Variants in GNA14 observed in about 807,000 individuals in gnomAD.
GNA14 encodes the protein guanine nucleotide-binding protein subunit alpha-14.
GNA14 carries 50 observed loss-of-function variants against 42.0 expected under a neutral mutation model. The observed-to-expected ratio is 1.19, with a 90% CI of 0.95 to 1.51. The LOEUF (loss-of-function observed/expected upper bound fraction) is 1.51, where lower values mean the gene tolerates loss of function less well. Ranked by LOEUF, GNA14 falls within the 40% of genes most tolerant of loss-of-function variation. The pLI is 0.00. For missense variants in GNA14, 473 were observed against 446.2 expected, an observed-to-expected ratio of 1.06 and a Z score of -0.54; for synonymous variants, 173 against 163.1, an observed-to-expected ratio of 1.06 and a Z score of -0.46.
chr9:77,644,835 T>C (rs1824329589), intron 1 of GNA14, among the ~76,000 whole-genome samples: 1 of 152,248 alleles, frequency 6.6e-6, no homozygotes, highest in Non-Finnish European at 1.5e-5. Context: ...CATTTTCCCT[T>C]ATTTAATAGC....
At chr9:77,647,485 C>G (rs1824375842) in intron 1 of GNA14, among the ~76,000 whole-genome samples, 185 bp downstream of exon 1, 1 of 152,158 alleles carries the variant, frequency 6.6e-6, no homozygotes. Flanking sequence ...GTCGCCCAGC[C>G]AGAGATGGAA....
At chr9:77,574,759 C>T (rs1329175240) in intron 1 of GNA14, among the ~76,000 whole-genome samples, 1 of 152,316 alleles carries the variant, frequency 6.6e-6, no homozygotes, top group East Asian at 1.9e-4. Flanking sequence ...GGCAGGCAAC[C>T]TTCCTCCATG....
intron 2 of GNA14, among the ~76,000 whole-genome samples, chr9:77,473,993 T>A (rs1217279447): frequency 6.6e-6 from 1 of 152,156 alleles, no homozygotes; most frequent in Non-Finnish European, 1.5e-5. Context: ...TCATAAAATA[T>A]ACAAAAATTA....
At chr9:77,628,869 A>G (rs912334337) in intron 1 of GNA14, among the ~76,000 whole-genome samples, 4 of 152,204 alleles carry the variant, frequency 2.6e-5, no homozygotes, top group Admixed American at 2.6e-4. Flanking sequence ...AATGGCAACA[A>G]AAGCCAAAAT....
chr9:77,627,624 C>T (rs1297466144), intron 1 of GNA14, among the ~76,000 whole-genome samples: 1 of 152,172 alleles, frequency 6.6e-6, no homozygotes, highest in East Asian at 1.9e-4. Context: ...ATCACGTAAA[C>T]AGAACCAACG....
At chr9:77,613,307 G>C (rs989889473) in intron 1 of GNA14, among the ~76,000 whole-genome samples, 2 of 152,186 alleles carry the variant, frequency 1.3e-5, no homozygotes, top group African/African-American at 4.8e-5. Flanking sequence ...CACTAAATTT[G>C]TGATCACACT....
intron 1 of GNA14, among the ~76,000 whole-genome samples, chr9:77,606,534 A>G (rs971366144): frequency 2.0e-5 from 3 of 152,238 alleles, no homozygotes; most frequent in African/African-American, 7.2e-5. Context: ...AAAGGAATAT[A>G]AAAACTGAAA....
intron 2 of GNA14, among the ~76,000 whole-genome samples, chr9:77,521,767 A>G (rs1837359391): frequency 6.6e-6 from 1 of 152,240 alleles, no homozygotes; most frequent in African/African-American, 2.4e-5. Context: ...ATATGTATTA[A>G]TGATTAGTAA....
chr9:77,493,662 T>C (rs907992394), intron 2 of GNA14, among the ~76,000 whole-genome samples: 1 of 152,220 alleles, frequency 6.6e-6, no homozygotes, highest in African/African-American at 2.4e-5. Flanking sequence ...TGATTTCTTA[T>C]TCTGGTTACT....
At chr9:77,458,878 C>T (rs1266428801) in intron 2 of GNA14, among the ~76,000 whole-genome samples, 1 of 147,340 alleles carries the variant, frequency 6.8e-6, no homozygotes, top group Non-Finnish European at 1.5e-5. Flanking sequence ...CTCTGCAGAA[C>T]CTAAGCTCCT....
chr9:77,481,070 T>A (rs1175863625), intron 2 of GNA14, among the ~76,000 whole-genome samples: 1 of 151,970 alleles, frequency 6.6e-6, no homozygotes, highest in East Asian at 1.9e-4. Flanking sequence ...CTGATTTTAG[T>A]TATTTCTTGC....
At chr9:77,647,049 G>A (rs943949395) in intron 1 of GNA14, among the ~76,000 whole-genome samples, 3 of 152,232 alleles carry the variant, frequency 2.0e-5, no homozygotes, top group African/African-American at 7.2e-5. Context: ...AGGCATAGGA[G>A]CTCACGGTCA....
chr9:77,521,154 T>G (rs1180873631), intron 2 of GNA14, among the ~76,000 whole-genome samples: 2 of 152,136 alleles, frequency 1.3e-5, no homozygotes, highest in Admixed American at 1.3e-4. Context: ...GAATTTGTTG[T>G]TTGTTGTTGT....
intron 2 of GNA14, among the ~76,000 whole-genome samples, chr9:77,446,904 A>G (rs1835828345): frequency 1.3e-5 from 2 of 152,226 alleles, no homozygotes; most frequent in African/African-American, 4.8e-5. Flanking sequence ...TAACCAGTAC[A>G]GAGATGAACT....
rs770498591 is a variant in GNA14, at chr9:77,424,103, T to C, written c.944A>G (p.Asp315Gly). 1.2e-6 allele frequency: 2 copies of C among 1,612,816 alleles called. No individual in the cohort carries two copies. The highest frequency in any genetic ancestry group is 1.7e-6 in the Non-Finnish European group (2 of 1,179,042). The change falls in exon 7 of 7, where the codon GAC becomes GGC. Residue 315 changes from aspartate to glycine, a missense_variant. Asp to Gly is a moderately conservative substitution (Grantham distance 94). Transcript: ENST00000341700. ...GTGAGAGTAGATGACTTTCTCTTTG[T>C]CAGGATTCTGATCTTGGTAAAGCTT... ...ILKLYQDQNP[D>G]KEKVIYSHFT... is the part of the protein sequence containing the mutation.
intron 2 of GNA14, among the ~76,000 whole-genome samples, chr9:77,462,162 C>T (rs1192987463): frequency 6.6e-6 from 1 of 152,170 alleles, no homozygotes; most frequent in Non-Finnish European, 1.5e-5. Context: ...TCCGGAAACA[C>T]GACATTTTCA....
intron 2 of GNA14, among the ~76,000 whole-genome samples, chr9:77,440,361 C>T (rs571677100): frequency 5.9e-5 from 9 of 152,306 alleles, no homozygotes; most frequent in African/African-American, 2.2e-4. Flanking sequence ...CAGAGCCCAG[C>T]GGGCAGCCCC....
At chr9:77,485,634 T>C (rs1467144071) in intron 2 of GNA14, among the ~76,000 whole-genome samples, 3 of 152,116 alleles carry the variant, frequency 2.0e-5, no homozygotes, top group Non-Finnish European at 4.4e-5. Context: ...TTGTAAATAA[T>C]AAGACTTGGA....
At chr9:77,632,122 C>T (rs1470401943) in intron 1 of GNA14, among the ~76,000 whole-genome samples, 13 of 152,194 alleles carry the variant, frequency 8.5e-5, no homozygotes. Flanking sequence ...CCCTTGCAGG[C>T]TTGGAAGTGC....
Sources: allele counts gnomAD v4.1 joint callset (sites outside exome capture counted in the v4.1 genomes callset), GRCh38; gene constraint gnomAD v4.1.1; transcripts MANE v1.5; gene names NCBI Gene and HGNC (gene_info 2026-07-23, HGNC 2026-07-21).